Variants in MSRA observed in about 807,000 individuals in gnomAD.
The protein encoded by MSRA is methionine sulfoxide reductase A.
In MSRA, 54 loss-of-function variants were observed where a neutral mutation model predicts 31.3. The ratio of observed to expected loss-of-function variants is 1.73; its 90% CI spans 1.39 to 2.17. The LOEUF is 2.17. Among genes scored for constraint, MSRA ranks in the 30% most tolerant of loss-of-function variants. The pLI is 0.00. For missense variants in MSRA, 507 were observed against 300.9 expected (o/e 1.69, Z -5.07); for synonymous variants, 169 against 116.5 (o/e 1.45, Z -2.90).
intron 1 of MSRA, among the ~76,000 whole-genome samples, chr8:10,179,230 A>G (rs1475480221): frequency 6.6e-6 from 1 of 152,170 alleles, no homozygotes; most frequent in Non-Finnish European, 1.5e-5. Flanking sequence ...TTTAACATAT[A>G]GCAAAATTAC....
chr8:10,149,312 G>A (rs1173136582), intron 1 of MSRA, among the ~76,000 whole-genome samples: 1 of 152,056 alleles, frequency 6.6e-6, no homozygotes, highest in African/African-American at 2.4e-5. Flanking sequence ...TAGTAGAGAT[G>A]GGGTTTCACT....
chr8:10,070,727 G>A (rs2128917946), intron 1 of MSRA, among the ~76,000 whole-genome samples: 1 of 152,260 alleles, frequency 6.6e-6, no homozygotes, highest in Admixed American at 6.5e-5. Flanking sequence ...ATCATTTCAA[G>A]GATTTTACAT....
chr8:10,359,969 C>A (rs1804748093), intron 5 of MSRA, among the ~76,000 whole-genome samples: 1 of 152,202 alleles, frequency 6.6e-6, no homozygotes, highest in South Asian at 2.1e-4. Context: ...TCCACTTTTA[C>A]CTGGCCAACC....
chr8:10,059,385 G>C (rs568995261), intron 1 of MSRA, among the ~76,000 whole-genome samples: 1 of 152,330 alleles, frequency 6.6e-6, no homozygotes, highest in East Asian at 1.9e-4. Flanking sequence ...GAGGCCCATA[G>C]ATGTTAGGCA....
At position 10,210,836 on chromosome 8, in the gene MSRA, C is replaced by T. The variant is rs894569553; in HGVS notation, c.211+2935C>T. On this transcript the variant is annotated intron_variant, in intron 2 of 5. Coordinates refer to ENST00000317173, the MANE Select transcript of MSRA (RefSeq NM_012331.5). The stretch of plus-strand genomic sequence containing the variant: ...GCAACCTCCACTTCCCGAGTTCAAG[C>T]GATTCTCCTGCCTCAGCCTCCCAAG... Among the ~76,000 whole-genome samples, 11 of 151,574 alleles carry T rather than the reference C, an allele frequency of 7.3e-5. 1 individual carries two copies. Among genetic ancestry groups the T allele is most frequent in the South Asian group, 4.2e-4 (2 of 4,794 alleles).
chr8:10,261,669 G>T (rs1394712381), intron 3 of MSRA, among the ~76,000 whole-genome samples: 1 of 152,140 alleles, frequency 6.6e-6, no homozygotes, highest in African/African-American at 2.4e-5. Context: ...TAACATCTTA[G>T]TGTAGTACAT....
chr8:10,207,357 A>C (rs1463210455), intron 1 of MSRA, among the ~76,000 whole-genome samples: 1 of 152,130 alleles, frequency 6.6e-6, no homozygotes, highest in African/African-American at 2.4e-5. Context: ...ATGTTCTGCT[A>C]TTGTGTTTTT....
At chr8:10,209,956 A>T (rs1204172059) in intron 2 of MSRA, among the ~76,000 whole-genome samples, 1 of 152,330 alleles carries the variant, frequency 6.6e-6, no homozygotes, top group African/African-American at 2.4e-5. Flanking sequence ...GCTCTTCCAG[A>T]TGCTTAAATT....
At chr8:10,286,985 G>A (rs570077960) in intron 3 of MSRA, among the ~76,000 whole-genome samples, 8 of 152,304 alleles carry the variant, frequency 5.3e-5, no homozygotes, top group African/African-American at 1.2e-4. Flanking sequence ...TAAGCGATTC[G>A]TCCAAATCAA....
At chr8:10,222,754 G>A (rs13260425) in intron 2 of MSRA, among the ~76,000 whole-genome samples, 34,942 of 152,064 alleles carry the variant, frequency 0.23, 4,637 homozygotes, top group Admixed American at 0.37. Context: ...CAAATAGTGC[G>A]CGATCTCACT....
At chr8:10,079,428 T>A (rs1798169595) in intron 1 of MSRA, among the ~76,000 whole-genome samples, 1 of 152,152 alleles carries the variant, frequency 6.6e-6, no homozygotes, top group Non-Finnish European at 1.5e-5. Context: ...GTGCTGGACT[T>A]ACAGGTGTGA....
chr8:10,368,274 A>G (rs1017555306), intron 5 of MSRA, among the ~76,000 whole-genome samples: 2 of 152,238 alleles, frequency 1.3e-5, no homozygotes, highest in African/African-American at 4.8e-5. Flanking sequence ...AGTCATTTTA[A>G]GGCCTCCCCC....
intron 1 of MSRA, among the ~76,000 whole-genome samples, chr8:10,101,692 T>C (rs981155213): frequency 5.3e-5 from 8 of 152,238 alleles, no homozygotes; most frequent in African/African-American, 1.7e-4. Context: ...TCAGGATTCA[T>C]ACATGTTTTA....
intron 1 of MSRA, among the ~76,000 whole-genome samples, chr8:10,181,710 G>A (rs1713774118): frequency 6.6e-6 from 1 of 152,178 alleles, no homozygotes; most frequent in Non-Finnish European, 1.5e-5. Flanking sequence ...TGAACTTGCT[G>A]GGTCATGATG....
intron 1 of MSRA, among the ~76,000 whole-genome samples, chr8:10,160,014 G>C (rs1270042024): frequency 6.6e-6 from 1 of 152,194 alleles, no homozygotes; most frequent in Non-Finnish European, 1.5e-5. Flanking sequence ...CTTTAGAAAA[G>C]TGGTCTATAT....
intron 5 of MSRA, among the ~76,000 whole-genome samples, chr8:10,362,524 A>G (rs944163722): frequency 6.7e-6 from 1 of 149,590 alleles, no homozygotes; most frequent in Non-Finnish European, 1.5e-5. Flanking sequence ...GGAACTGGGC[A>G]TGGGAGGGGA....
At chr8:10,107,740 A>G (rs1220761092) in intron 1 of MSRA, among the ~76,000 whole-genome samples, 1 of 152,210 alleles carries the variant, frequency 6.6e-6, no homozygotes, top group Non-Finnish European at 1.5e-5. Context: ...TTGTTATGGA[A>G]CAGAGTGTGA....
chr8:10,306,055 C>T (rs1340407756), intron 4 of MSRA, among the ~76,000 whole-genome samples: 1 of 152,162 alleles, frequency 6.6e-6, no homozygotes, highest in South Asian at 2.1e-4. Flanking sequence ...CTTTAGGCTT[C>T]TGAGGATAGA....
chr8:10,330,261 T>C (rs1402766268), intron 5 of MSRA, among the ~76,000 whole-genome samples: 1 of 151,702 alleles, frequency 6.6e-6, no homozygotes, highest in Non-Finnish European at 1.5e-5. Context: ...CAATATACAT[T>C]ATTGAAGCTG....
Sources: allele counts gnomAD v4.1 joint callset (sites outside exome capture counted in the v4.1 genomes callset), GRCh38; gene constraint gnomAD v4.1.1; transcripts MANE v1.5; gene names NCBI Gene and HGNC (gene_info 2026-07-23, HGNC 2026-07-21).